ASAP1: variants seen among roughly 807,000 people sequenced by gnomAD.
ASAP1 encodes the protein arf-GAP with SH3 domain, ANK repeat and PH domain-containing protein 1.
A neutral mutation model predicts 145.2 loss-of-function variants in ASAP1; 43 were observed. The observed-to-expected ratio is 0.30, with a 90% CI of 0.23 to 0.38. The LOEUF is 0.38. Ranked by LOEUF, ASAP1 falls within the 10% of genes least tolerant of loss-of-function variation. ASAP1 has a pLI of 1.00. For synonymous variants in ASAP1, 546 were observed against 515.5 expected (o/e 1.06, Z -0.80); for missense variants, 1,018 against 1,355.3 (o/e 0.75, Z 3.91).
intron 18 of ASAP1, among the ~76,000 whole-genome samples, chr8:130,122,310 C>T (rs969480454): frequency 6.6e-6 from 1 of 152,176 alleles, no homozygotes; most frequent in African/African-American, 2.4e-5. Flanking sequence ...TCAGCACCTA[C>T]AAGACTGGCT....
At chr8:130,393,095 C>T (rs1828362186) in intron 2 of ASAP1, among the ~76,000 whole-genome samples, 2 of 151,920 alleles carry the variant, frequency 1.3e-5, no homozygotes, top group African/African-American at 4.8e-5. Context: ...ATTATTTTAC[C>T]CTAATTTGTT....
intron 5 of ASAP1, among the ~76,000 whole-genome samples, chr8:130,194,249 C>A (rs902224804): frequency 6.6e-6 from 1 of 151,896 alleles, no homozygotes; most frequent in African/African-American, 2.4e-5. Context: ...ATTAAAAAAA[C>A]CAGCAACGAA....
At chr8:130,075,114 G>A (rs1251907802) in intron 27 of ASAP1, among the ~76,000 whole-genome samples, 3 of 152,182 alleles carry the variant, frequency 2.0e-5, no homozygotes, top group Non-Finnish European at 4.4e-5. Flanking sequence ...ATATGTGAGC[G>A]ATCTAGGACG....
intron 2 of ASAP1, among the ~76,000 whole-genome samples, chr8:130,382,113 C>T (rs1028794820): frequency 6.6e-6 from 1 of 151,792 alleles, no homozygotes; most frequent in Non-Finnish European, 1.5e-5. Flanking sequence ...GGTGAAACCC[C>T]GTCTCTACTA....
intron 3 of ASAP1, among the ~76,000 whole-genome samples, chr8:130,285,187 A>T (rs1821531176): frequency 6.6e-6 from 1 of 152,232 alleles, no homozygotes; most frequent in Admixed American, 6.5e-5. Context: ...CAAGCATGAA[A>T]AAAAAGTATT....
chr8:130,259,652 G>A (rs1819775320), intron 3 of ASAP1, among the ~76,000 whole-genome samples: 1 of 152,202 alleles, frequency 6.6e-6, no homozygotes, highest in Non-Finnish European at 1.5e-5. Context: ...ATCTTGTCAT[G>A]CTAGCTGACT....
At chr8:130,268,126 C>G (rs1820366180) in intron 3 of ASAP1, among the ~76,000 whole-genome samples, 1 of 152,102 alleles carries the variant, frequency 6.6e-6, no homozygotes, top group South Asian at 2.1e-4. Flanking sequence ...GATCCAGTAA[C>G]ACAGAAATGA....
chr8:130,170,647 T>C (rs1269020364), intron 9 of ASAP1, among the ~76,000 whole-genome samples: 2 of 152,004 alleles, frequency 1.3e-5, no homozygotes, highest in African/African-American at 4.8e-5. Flanking sequence ...CTTTAGAAAG[T>C]TTTTCAGCAA....
chr8:130,429,167 C>T (rs1006047049), intron 1 of ASAP1, among the ~76,000 whole-genome samples: 6 of 152,186 alleles, frequency 3.9e-5, no homozygotes, highest in African/African-American at 1.4e-4. Flanking sequence ...GATCCAGGCT[C>T]GCCCTAATGA....
At chr8:130,144,422 A>C (rs2097622018) in intron 13 of ASAP1, among the ~76,000 whole-genome samples, 2 of 152,270 alleles carry the variant, frequency 1.3e-5, no homozygotes, top group Admixed American at 1.3e-4. Flanking sequence ...ACCAAGGATC[A>C]GGAAGGTGAA....
At chr8:130,283,583 G>GAAAAAAAAAAAAAA (rs745389921) in intron 3 of ASAP1, among the ~76,000 whole-genome samples, 6 of 98,792 alleles carry the variant, frequency 6.1e-5, no homozygotes, top group African/African-American at 2.5e-4. Context: ...CTCCATCACA[G>GAAAAAAAAAAAAAA]AAAGAAAAAA....
rs557250298 is a variant in ASAP1, at chr8:130,063,212, T to C, written c.2702-2143A>G. Among the ~76,000 whole-genome samples the C allele has an allele frequency of 2.0e-5, 3 of 152,268 alleles. No homozygotes were observed. The South Asian group carries it at 6.2e-4, about 32-fold the overall frequency. On this transcript the variant is annotated intron_variant, in intron 27 of 29. Transcript: ENST00000518721. ...GTTCTATTGAGACAGGGTCTCCCTC[T>C]GTTACTGAGGCTGGAGTGCAGTGGT...
chr8:130,222,108 C>T (rs1046502552), intron 4 of ASAP1, among the ~76,000 whole-genome samples: 5 of 152,140 alleles, frequency 3.3e-5, no homozygotes, highest in Non-Finnish European at 5.9e-5. Context: ...TATCCCTAGG[C>T]GTTGGCAATA....
chr8:130,200,966 T>G (rs1355574509), intron 5 of ASAP1, among the ~76,000 whole-genome samples: 1 of 152,150 alleles, frequency 6.6e-6, no homozygotes, highest in Non-Finnish European at 1.5e-5. Context: ...CTGTCCAGAG[T>G]GACAATCCTT....
At chr8:130,380,868 C>T (rs1008504255) in intron 2 of ASAP1, among the ~76,000 whole-genome samples, 1 of 151,920 alleles carries the variant, frequency 6.6e-6, no homozygotes, top group African/African-American at 2.4e-5. Context: ...CAGTTGCGCA[C>T]CACTACACCT....
At chr8:130,381,796 CCT>C (rs1222423837) in intron 2 of ASAP1, among the ~76,000 whole-genome samples, 4 of 152,162 alleles carry the variant, frequency 2.6e-5, no homozygotes, top group South Asian at 2.1e-4. Flanking sequence ...AACACACCCC[CCT>C]GAGGGCCTTT....
intron 3 of ASAP1, among the ~76,000 whole-genome samples, chr8:130,319,012 A>G (rs1823840722): frequency 6.6e-6 from 1 of 152,262 alleles, no homozygotes; most frequent in Non-Finnish European, 1.5e-5. Context: ...AAATTAAAAC[A>G]ATTTATTAGA....
At chr8:130,286,862 A>T (rs1821645761) in intron 3 of ASAP1, among the ~76,000 whole-genome samples, 1 of 152,330 alleles carries the variant, frequency 6.6e-6, no homozygotes, top group Middle Eastern at 3.4e-3. Context: ...TCACACCCAC[A>T]GGGAACATTT....
intron 3 of ASAP1, among the ~76,000 whole-genome samples, chr8:130,287,746 A>G (rs1821703668): frequency 6.6e-6 from 1 of 152,214 alleles, no homozygotes; most frequent in South Asian, 2.1e-4. Flanking sequence ...CATATTTAAT[A>G]GAACATTATT....
Sources: gnomAD v4.1 joint callset for allele counts (sites outside exome capture counted in the v4.1 genomes callset) on GRCh38, gnomAD v4.1.1 for gene constraint, MANE v1.5 for transcripts, NCBI Gene and HGNC (gene_info 2026-07-23, HGNC 2026-07-21) for gene names.